The following LUZP2 variants were observed in gnomAD, a reference collection of about 807,000 sequenced individuals.
The protein encoded by LUZP2 is leucine zipper protein 2.
A neutral mutation model predicts 51.6 loss-of-function variants in LUZP2; 52 were observed. The ratio of observed to expected loss-of-function variants is 1.01; its 90% CI spans 0.81 to 1.27. The LOEUF (loss-of-function observed/expected upper bound fraction) is 1.27. Ranked by LOEUF, LUZP2 falls within the 50% of genes most tolerant of loss-of-function variation. LUZP2 has a pLI of 0.00. For missense variants in LUZP2, 436 were observed against 395.4 expected (o/e 1.10, Z -0.87); for synonymous variants, 154 against 137.3 (o/e 1.12, Z -0.85).
At chr11:24,803,291 A>C (rs534474120) in intron 5 of LUZP2, among the ~76,000 whole-genome samples, 1 of 152,152 alleles carries the variant, frequency 6.6e-6, no homozygotes, top group African/African-American at 2.4e-5. Flanking sequence ...ATGCAAATCA[A>C]AACTATTATG....
At chr11:24,850,885 G>A (rs1237368577) in intron 5 of LUZP2, among the ~76,000 whole-genome samples, 1 of 152,130 alleles carries the variant, frequency 6.6e-6, no homozygotes, top group African/African-American at 2.4e-5. Context: ...TGTAGTAATT[G>A]TGAATGGGAG....
rs1370627106 is a variant in LUZP2 at position 24,656,877 on chromosome 11, T to C, written c.63-72292T>C. The stretch of plus-strand genomic sequence containing the variant: ...GCCAGTAAATGCTCATATGATTAGA[T>C]TGAGCTCACCTGGATAATTCAGGGT... On this transcript the variant is annotated intron_variant, in intron 1 of 11. Transcript: ENST00000336930. 3.9e-5 allele frequency among the ~76,000 whole-genome samples: 6 copies of C among 152,214 alleles called. No individual in the cohort carries two copies. In the East Asian group the frequency reaches 5.8e-4, roughly 15 times the overall value.
At chr11:25,022,896 A>G (rs1327672403) in intron 9 of LUZP2, among the ~76,000 whole-genome samples, 2 of 152,082 alleles carry the variant, frequency 1.3e-5, no homozygotes, top group Non-Finnish European at 2.9e-5. Context: ...TTCTGTGTCT[A>G]TTGAGATAAT....
intron 1 of LUZP2, among the ~76,000 whole-genome samples, chr11:24,555,253 C>T (rs1851832584): frequency 6.6e-6 from 1 of 152,066 alleles, no homozygotes; most frequent in South Asian, 2.1e-4. Flanking sequence ...GTGGATTTTC[C>T]TCATCTGCAG....
At chr11:24,865,891 C>A (rs1169374051) in intron 5 of LUZP2, among the ~76,000 whole-genome samples, 1 of 151,556 alleles carries the variant, frequency 6.6e-6, no homozygotes, top group Non-Finnish European at 1.5e-5. Context: ...CTCACTGCAA[C>A]CTCTCCCTCC....
intron 1 of LUZP2, among the ~76,000 whole-genome samples, chr11:24,711,947 A>G (rs1323656895): frequency 2.6e-5 from 4 of 152,168 alleles, no homozygotes; most frequent in Non-Finnish European, 5.9e-5. Flanking sequence ...CTTCTCTCTC[A>G]AAAGTGCCAC....
At chr11:24,688,771 C>T (rs1233058185) in intron 1 of LUZP2, among the ~76,000 whole-genome samples, 2 of 152,074 alleles carry the variant, frequency 1.3e-5, no homozygotes, top group Non-Finnish European at 2.9e-5. Flanking sequence ...GCCCTAATAT[C>T]ATTTATATTA....
intron 5 of LUZP2, among the ~76,000 whole-genome samples, chr11:24,878,703 A>G (rs1055994125): frequency 6.6e-6 from 1 of 151,672 alleles, no homozygotes; most frequent in Non-Finnish European, 1.5e-5. Flanking sequence ...CAGGTTTTTT[A>G]CGTAGGTATA....
chr11:24,666,002 T>G (rs1179370036), intron 1 of LUZP2, among the ~76,000 whole-genome samples: 1 of 152,178 alleles, frequency 6.6e-6, no homozygotes, highest in African/African-American at 2.4e-5. Context: ...GATCTCTGAG[T>G]GTAATTTTAC....
intron 6 of LUZP2, among the ~76,000 whole-genome samples, chr11:24,911,383 A>T (rs1853628220): frequency 6.6e-6 from 1 of 152,098 alleles, no homozygotes; most frequent in Non-Finnish European, 1.5e-5. Context: ...CCCAAATCTC[A>T]CCTTGATTTG....
intron 1 of LUZP2, among the ~76,000 whole-genome samples, chr11:24,667,474 C>T (rs908882931): frequency 2.0e-5 from 3 of 151,954 alleles, no homozygotes; most frequent in African/African-American, 7.3e-5. Context: ...CATGAGCTGC[C>T]GCGTCCACCA....
At chr11:24,870,899 TA>T (rs985079049) in intron 5 of LUZP2, among the ~76,000 whole-genome samples, 1 of 152,096 alleles carries the variant, frequency 6.6e-6, no homozygotes, top group African/African-American at 2.4e-5. Flanking sequence ...AATGAGGATA[TA>T]AAATGTCCAT....
intron 5 of LUZP2, among the ~76,000 whole-genome samples, chr11:24,844,312 C>T (rs943880329): frequency 6.6e-6 from 1 of 152,084 alleles, no homozygotes; most frequent in Admixed American, 6.6e-5. Context: ...CAGCATTTTG[C>T]CCCTGCCCTA....
chr11:24,785,882 A>G, intron 5 of LUZP2: 1 of 985,324 alleles, frequency 1.0e-6, no homozygotes, highest in Non-Finnish European at 1.2e-6. Flanking sequence ...CCCTAAAAAT[A>G]CTTTGTTCCA....
In LUZP2 at chr11:24,497,072, G is replaced by A; in HGVS notation, c.-172G>A. 8.5e-6 allele frequency: 4 copies of A among 473,168 alleles called. No individual in the cohort carries two copies. The highest frequency in any genetic ancestry group is 1.1e-5 in the Non-Finnish European group (3 of 273,130). The allele number at this position is 473,168 out of a possible 1,614,324, so 29.3% of individuals were successfully genotyped here. On this transcript the variant is annotated 5_prime_UTR_variant, in exon 1 of 12. Coordinates refer to ENST00000336930, the MANE Select transcript of LUZP2 (RefSeq NM_001009909.4). ...GACATCACTCCTGAAGATACTCCTC[G>A]CTCCCAGCGCCTGCCTTCCCCAGGC... is the stretch of plus-strand genomic sequence containing the variant.
chr11:24,706,962 A>G (rs2133922028), intron 1 of LUZP2, among the ~76,000 whole-genome samples: 1 of 151,124 alleles, frequency 6.6e-6, no homozygotes, highest in African/African-American at 2.4e-5. Context: ...GTTCATCTTT[A>G]CACATCCAAA....
intron 10 of LUZP2, among the ~76,000 whole-genome samples, chr11:25,076,162 G>T (rs964156249): frequency 1.4e-4 from 22 of 152,038 alleles, no homozygotes; most frequent in Non-Finnish European, 3.1e-4. Context: ...GGGACCACAG[G>T]CATGTGCCAC....
At chr11:25,064,018 A>G (rs1391102160) in intron 10 of LUZP2, among the ~76,000 whole-genome samples, 2 of 151,736 alleles carry the variant, frequency 1.3e-5, no homozygotes, top group Non-Finnish European at 3.0e-5. Flanking sequence ...CTTGTAAGAT[A>G]AACATTATTA....
At chr11:24,836,120 A>G (rs1850853460) in intron 5 of LUZP2, among the ~76,000 whole-genome samples, 2 of 151,982 alleles carry the variant, frequency 1.3e-5, no homozygotes, top group African/African-American at 4.8e-5. Context: ...ATGATCATGT[A>G]TAAATCTCTT....
Sources: allele counts gnomAD v4.1 joint callset (sites outside exome capture counted in the v4.1 genomes callset), GRCh38; gene constraint gnomAD v4.1.1; transcripts MANE v1.5; gene names NCBI Gene and HGNC (gene_info 2026-07-23, HGNC 2026-07-21).